Variants in QTGAL observed in about 807,000 individuals in gnomAD.
QTGAL encodes the protein BGnT-like protein 1.
chr17:83,035,421 G>A, the QTGAL span, among the ~76,000 whole-genome samples: 10 of 152,086 alleles, frequency 6.6e-5, no homozygotes, highest in East Asian at 3.9e-4. Flanking sequence ...TGCCCACCTC[G>A]GCCTCCCAAA....
At chr17:83,005,717 G>T in the QTGAL span, 2 of 732,314 alleles carry the variant, frequency 2.7e-6, no homozygotes, top group South Asian at 3.0e-5. The surrounding 1 kb of genome is among the most constrained non-coding windows in gnomAD (Gnocchi z 5.6). Context: ...CTCCAGGGCC[G>T]ACAACCCTCT....
the QTGAL span, among the ~76,000 whole-genome samples, chr17:83,001,176 C>T: frequency 6.6e-6 from 1 of 152,176 alleles, no homozygotes; most frequent in African/African-American, 2.4e-5. Flanking sequence ...CTGTAAATCC[C>T]ATAAAGCCTC....
the QTGAL span, chr17:82,949,484 C>T: frequency 6.6e-6 from 1 of 152,142 alleles, no homozygotes; most frequent in Non-Finnish European, 1.5e-5. Flanking sequence ...ACCGAGGTGC[C>T]CTGAGACCCG....
the QTGAL span, among the ~76,000 whole-genome samples, chr17:83,011,122 C>G: frequency 6.6e-6 from 1 of 152,212 alleles, no homozygotes; most frequent in Non-Finnish European, 1.5e-5. Context: ...TCCGATGTCT[C>G]CTGAGCCCAG....
the QTGAL span, among the ~76,000 whole-genome samples, chr17:83,002,503 GA>G: frequency 6.6e-6 from 1 of 152,192 alleles, no homozygotes; most frequent in African/African-American, 2.4e-5. Context: ...TAGTCACCAG[GA>G]CACGCGCCCT....
the QTGAL span, among the ~76,000 whole-genome samples, chr17:83,016,956 G>C: frequency 0.21 from 31,251 of 152,142 alleles, 3,608 homozygotes; most frequent in Non-Finnish European, 0.26. Flanking sequence ...CCTAATCCCC[G>C]ATGCCCCAAG....
chr17:83,009,150 G>A, the QTGAL span, among the ~76,000 whole-genome samples: 21 of 151,970 alleles, frequency 1.4e-4, no homozygotes, highest in South Asian at 2.1e-4. Flanking sequence ...AGGGCTGGGC[G>A]CAGTGGCTCA....
the QTGAL span, among the ~76,000 whole-genome samples, chr17:83,016,769 A>AAGGAGGG: frequency 6.8e-6 from 1 of 147,230 alleles, no homozygotes; most frequent in Non-Finnish European, 1.5e-5. Context: ...AGGGAGATGG[A>AAGGAGGG]AGGAGGGAGG....
At chr17:83,026,724 GCAGGA>G in the QTGAL span, among the ~76,000 whole-genome samples, 7 of 126,910 alleles carry the variant, frequency 5.5e-5, no homozygotes, top group East Asian at 2.5e-4. Context: ...GCAGAGGAGG[GCAGGA>G]AGCCTGCAGA....
At chr17:82,957,379 T>A in the QTGAL span, 1 of 1,613,198 alleles carries the variant, frequency 6.2e-7, no homozygotes, top group Non-Finnish European at 8.5e-7. Context: ...CTGCCGGCAG[T>A]CAAGCTGCGG....
the QTGAL span, among the ~76,000 whole-genome samples, chr17:83,025,155 A>G: frequency 6.7e-6 from 1 of 150,242 alleles, no homozygotes; most frequent in Admixed American, 6.7e-5. Context: ...CCACACACAC[A>G]CAGACACCGC....
the QTGAL span, among the ~76,000 whole-genome samples, chr17:82,962,072 G>A: frequency 2.0e-5 from 3 of 152,320 alleles, no homozygotes; most frequent in East Asian, 5.8e-4. Context: ...TTTGCTCCAG[G>A]AAAGGGCAGG....
At chr17:82,961,058 C>T in the QTGAL span, 21 of 1,608,734 alleles carry the variant, frequency 1.3e-5, no homozygotes, top group South Asian at 5.5e-5. Context: ...CTGACTCACT[C>T]GAGGACGCAG....
the QTGAL span, among the ~76,000 whole-genome samples, chr17:82,963,305 C>A: frequency 6.6e-6 from 1 of 152,168 alleles, no homozygotes; most frequent in East Asian, 1.9e-4. Flanking sequence ...TCGTCCCCAG[C>A]GCCACCCGCC....
the QTGAL span, chr17:83,006,682 G>A: frequency 1.3e-5 from 13 of 985,352 alleles, no homozygotes; most frequent in Non-Finnish European, 1.6e-5. This position sits in a 1 kb window ranked among gnomAD's most constrained non-coding sequence, Gnocchi z 5.8. Context: ...ATCCGGGAAC[G>A]TGCAGGAGGC....
the QTGAL span, chr17:82,946,841 G>C: frequency 1.6e-5 from 23 of 1,463,620 alleles, no homozygotes; most frequent in Admixed American, 1.8e-4. Flanking sequence ...ACATAATAAA[G>C]AAACAAACCC....
the QTGAL span, chr17:82,942,965 C>A: frequency 5.6e-6 from 1 of 179,500 alleles, no homozygotes; most frequent in Non-Finnish European, 1.2e-5. Flanking sequence ...GTCTGGAGTG[C>A]TGGGCAGATG....
At chr17:83,030,103 G>A in the QTGAL span, among the ~76,000 whole-genome samples, 461 of 152,278 alleles carry the variant, frequency 3.0e-3, 3 homozygotes, top group African/African-American at 0.01. Context: ...ACCAAGGGTC[G>A]TGATTAATTT....
At chr17:83,048,618 A>T in the QTGAL span, 2 of 1,606,044 alleles carry the variant, frequency 1.2e-6, no homozygotes, top group Non-Finnish European at 1.7e-6. Context: ...CCGAACAGTC[A>T]ACCGTTGCTT....
Sources: allele counts gnomAD v4.1 joint callset (sites outside exome capture counted in the v4.1 genomes callset), GRCh38; gene constraint gnomAD v4.1.1; non-coding constraint Gnocchi (gnomAD v3.1); transcripts MANE v1.5; gene names NCBI Gene and HGNC (gene_info 2026-07-23, HGNC 2026-07-21).